WDR1: variants seen among roughly 807,000 people sequenced by gnomAD.
WDR1 encodes WD repeat domain 1, also known as WD repeat-containing protein 1.
In WDR1, 21 loss-of-function variants were observed where a neutral mutation model predicts 71.9. The ratio of observed to expected loss-of-function variants is 0.29; its 90% confidence interval spans 0.21 to 0.42. The LOEUF (loss-of-function observed/expected upper bound fraction) is 0.42. WDR1 is among the 10% of genes least tolerant of loss of function. The probability of loss-of-function intolerance (pLI) is 1.00; values close to 1 mark genes in which losing one functional copy is unlikely to be tolerated. For missense variants in WDR1, 696 were observed against 824.5 expected, an observed-to-expected ratio of 0.84 and a Z score of 1.91; for synonymous variants, 424 against 347.4, an observed-to-expected ratio of 1.22 and a Z score of -2.45.
intron 6 of WDR1, 134 bp from the exon 7 acceptor site, chr4:10,088,507 G>A: frequency 1.8e-6 from 2 of 1,124,386 alleles, no homozygotes; most frequent in Non-Finnish European, 1.3e-6. Flanking sequence ...AAGCAGACAT[G>A]CATTTACTGG....
At chr4:10,107,814 C>T (rs1713110645) in intron 2 of WDR1, among the ~76,000 whole-genome samples, 1 of 152,324 alleles carries the variant, frequency 6.6e-6, no homozygotes, top group African/African-American at 2.4e-5. Flanking sequence ...CCAGGACCCA[C>T]GGACTTCGGC....
At chr4:10,092,345 A>G (rs776544288) in intron 5 of WDR1, 5 of 152,348 alleles carry the variant, frequency 3.3e-5, no homozygotes, top group Non-Finnish European at 7.3e-5. Flanking sequence ...CCAACCTGTC[A>G]CAAGTGCCCA....
At chr4:10,085,281 T>C (rs138127005) in intron 8 of WDR1, among the ~76,000 whole-genome samples, 224 of 152,380 alleles carry the variant, frequency 1.5e-3, no homozygotes, top group African/African-American at 5.2e-3. Context: ...GCAGGAATTC[T>C]TGATCTCTGT....
intron 2 of WDR1, among the ~76,000 whole-genome samples, chr4:10,113,225 T>C (rs895333235): frequency 1.3e-5 from 2 of 152,054 alleles, no homozygotes; most frequent in African/African-American, 4.8e-5. Context: ...GCCAGGTGAA[T>C]TGGCACGTAC....
At chr4:10,078,088 G>C (rs889207131) in intron 12 of WDR1, among the ~76,000 whole-genome samples, 162 bp from the exon 13 acceptor site, 2 of 152,230 alleles carry the variant, frequency 1.3e-5, no homozygotes, top group Admixed American at 6.5e-5. Context: ...CCCGTGGATG[G>C]GCCTGAAACC....
chr4:10,097,918 CAA>C (rs748635612), intron 4 of WDR1, 27 bp from the exon 5 acceptor site: 51,891 of 1,147,086 alleles, frequency 0.045, no homozygotes, highest in South Asian at 0.07. Flanking sequence ...AGGTGGAAGA[CAA>C]AAAAAAAAAA....
intron 1 of WDR1, 161 bp downstream of exon 1, chr4:10,116,490 G>T: frequency 1.6e-6 from 1 of 634,652 alleles, no homozygotes; most frequent in Non-Finnish European, 2.1e-6. Flanking sequence ...CGGGGGTCCC[G>T]CCCTGCACCA....
chr4:10,083,827 CA>C (rs1351870565), intron 9 of WDR1, among the ~76,000 whole-genome samples: 1 of 152,194 alleles, frequency 6.6e-6, no homozygotes, highest in African/African-American at 2.4e-5. Context: ...CCCCCATCAT[CA>C]GGGAGAAACC....
chr4:10,088,799 G>A, intron 5 of WDR1, 58 bp from the exon 6 acceptor site: 2 of 1,322,600 alleles, frequency 1.5e-6, no homozygotes, highest in East Asian at 5.0e-5. Flanking sequence ...CTAGGTTCAA[G>A]AATGCTCTCT....
At chr4:10,079,618 G>A (rs1353423334) in intron 11 of WDR1, among the ~76,000 whole-genome samples, 1 of 152,140 alleles carries the variant, frequency 6.6e-6, no homozygotes, top group Admixed American at 6.5e-5. Flanking sequence ...AATTCTTCCG[G>A]TTCTAACTTA....
intron 2 of WDR1, among the ~76,000 whole-genome samples, chr4:10,111,525 C>T (rs1713362480): frequency 6.6e-6 from 1 of 152,210 alleles, no homozygotes; most frequent in Non-Finnish European, 1.5e-5. Flanking sequence ...GCACCACTTC[C>T]TTCTGCCACC....
intron 10 of WDR1, among the ~76,000 whole-genome samples, chr4:10,081,738 A>G (rs1275317418): frequency 6.6e-6 from 1 of 151,698 alleles, no homozygotes; most frequent in Non-Finnish European, 1.5e-5. Flanking sequence ...GTAAGCCCTC[A>G]TTACACCCAG....
intron 4 of WDR1, among the ~76,000 whole-genome samples, chr4:10,098,590 T>TG (rs999817892): frequency 6.6e-6 from 1 of 152,156 alleles, no homozygotes; most frequent in African/African-American, 2.4e-5. Flanking sequence ...CAGAGACCCT[T>TG]GGGGGAGGTG....
chr4:10,074,623 A>G lies in WDR1; in HGVS notation c.*755T>C, dbSNP rs1764725159. On this transcript the variant is annotated 3_prime_UTR_variant, in exon 15 of 15. Coordinates refer to ENST00000499869, the MANE Select transcript of WDR1 (RefSeq NM_017491.5). Reference sequence around the variant, plus strand: ...GAAGAGGGAAAGACAGGGGAACATCAAAGCATGATGGTGAAACGGTGACCA... The same window carrying G: ...GAAGAGGGAAAGACAGGGGAACATCGAAGCATGATGGTGAAACGGTGACCA... The G allele has an allele frequency of 6.5e-6, 1 of 152,678 alleles. No homozygotes were observed. The highest frequency in any genetic ancestry group is 1.5e-5 in the Non-Finnish European group (1 of 68,052). 9.5% of individuals were successfully genotyped at this position (152,678 alleles called of 1,614,324 possible).
intron 5 of WDR1, chr4:10,092,638 T>C: frequency 4.4e-6 from 1 of 225,434 alleles, no homozygotes; most frequent in East Asian, 1.2e-4. Context: ...AGCCAAGGAG[T>C]CCAAATGCAG....
chr4:10,078,607 T>A (rs1478056842), intron 12 of WDR1: 1 of 298,684 alleles, frequency 3.3e-6, no homozygotes, highest in Non-Finnish European at 6.3e-6. Flanking sequence ...GAGGCACAGC[T>A]GTGCCCTCCT....
At chr4:10,103,478 T>A (rs1712828713) in intron 3 of WDR1, among the ~76,000 whole-genome samples, 1 of 152,154 alleles carries the variant, frequency 6.6e-6, no homozygotes, top group African/African-American at 2.4e-5. Flanking sequence ...AGGCCAGTTT[T>A]GAAAAGGGGC....
At chr4:10,081,868 G>A (rs1276482416) in intron 10 of WDR1, among the ~76,000 whole-genome samples, 1 of 152,170 alleles carries the variant, frequency 6.6e-6, no homozygotes, top group Non-Finnish European at 1.5e-5. Context: ...CCTTTAATGG[G>A]TGAAAATCAT....
chr4:10,114,499 C>T (rs1421298801), intron 2 of WDR1, among the ~76,000 whole-genome samples: 1 of 152,174 alleles, frequency 6.6e-6, no homozygotes, highest in Non-Finnish European at 1.5e-5. Context: ...ACAGCAGGTA[C>T]TTTATGTGAG....
Sources: gnomAD v4.1 joint callset for allele counts (sites outside exome capture counted in the v4.1 genomes callset) on GRCh38, gnomAD v4.1.1 for gene constraint, MANE v1.5 for transcripts, NCBI Gene and HGNC (gene_info 2026-07-23, HGNC 2026-07-21) for gene names.